The following NRG3 variants were observed in gnomAD, a reference collection of about 807,000 sequenced individuals.
The protein encoded by NRG3 is neuregulin 3.
In NRG3, 31 loss-of-function variants were observed where a neutral mutation model predicts 66.9. That is an observed-to-expected ratio of 0.46 (90% CI 0.35 to 0.63). The LOEUF (loss-of-function observed/expected upper bound fraction) is 0.63. Among genes scored for constraint, NRG3 ranks in the 20% least tolerant of loss-of-function variants. NRG3 has a pLI of 0.00. For missense variants in NRG3, 910 were observed against 878.9 expected (o/e 1.04, Z -0.45); for synonymous variants, 393 against 359.4 (o/e 1.09, Z -1.06).
At chr10:82,078,419 C>T (rs956895335) in intron 1 of NRG3, among the ~76,000 whole-genome samples, 7 of 152,192 alleles carry the variant, frequency 4.6e-5, no homozygotes, top group Admixed American at 3.3e-4. Flanking sequence ...GGCACGATCT[C>T]GGCTCACTGC....
At chr10:82,167,573 T>C (rs1464279267) in intron 1 of NRG3, among the ~76,000 whole-genome samples, 1 of 152,104 alleles carries the variant, frequency 6.6e-6, no homozygotes, top group East Asian at 1.9e-4. Flanking sequence ...TATTACTTAT[T>C]ATATTTTTTA....
chr10:82,921,046 T>A (rs536455019), intron 4 of NRG3, among the ~76,000 whole-genome samples: 1 of 151,858 alleles, frequency 6.6e-6, no homozygotes, highest in East Asian at 1.9e-4. Flanking sequence ...CAGAGAGCAG[T>A]GTATGGAAAC....
intron 3 of NRG3, among the ~76,000 whole-genome samples, chr10:82,828,826 C>CA (rs1378719924): frequency 6.6e-6 from 1 of 152,108 alleles, no homozygotes; most frequent in Non-Finnish European, 1.5e-5. Flanking sequence ...CCAACATAAC[C>CA]AGCTTCTTCC....
intron 2 of NRG3, among the ~76,000 whole-genome samples, chr10:82,366,384 G>T (rs1186896035): frequency 2.6e-5 from 4 of 152,160 alleles, no homozygotes; most frequent in Admixed American, 6.5e-5. Context: ...TAAAAGTGGG[G>T]AGGGGCATGC....
intron 4 of NRG3, among the ~76,000 whole-genome samples, chr10:82,914,737 A>G (rs1187100544): frequency 3.3e-5 from 5 of 149,712 alleles, no homozygotes; most frequent in African/African-American, 9.8e-5. Flanking sequence ...GTCCTTCACA[A>G]GTGATTTTTA....
intron 5 of NRG3, among the ~76,000 whole-genome samples, chr10:82,958,166 G>C (rs772533305): frequency 6.6e-6 from 1 of 152,206 alleles, no homozygotes; most frequent in Admixed American, 6.5e-5. Flanking sequence ...TGGCAATTCT[G>C]AGTGGTGGTT....
intron 1 of NRG3, among the ~76,000 whole-genome samples, chr10:82,111,430 C>T (rs1205951698): frequency 2.6e-5 from 4 of 152,054 alleles, no homozygotes; most frequent in Non-Finnish European, 5.9e-5. Context: ...CAAACACGAC[C>T]GAGTGCTTTG....
intron 3 of NRG3, among the ~76,000 whole-genome samples, chr10:82,820,193 C>G (rs2061889209): frequency 6.6e-6 from 1 of 152,150 alleles, no homozygotes; most frequent in African/African-American, 2.4e-5. Flanking sequence ...GACTTAGAAC[C>G]TAGATCTATC....
At chr10:81,906,052 C>G (rs1250631834) in intron 1 of NRG3, among the ~76,000 whole-genome samples, 1 of 152,120 alleles carries the variant, frequency 6.6e-6, no homozygotes, top group Non-Finnish European at 1.5e-5. Context: ...GTCTTAGTGA[C>G]TTTATTAAAA....
At chr10:81,964,842 A>G (rs1047513208) in intron 1 of NRG3, among the ~76,000 whole-genome samples, 2 of 152,120 alleles carry the variant, frequency 1.3e-5, no homozygotes, top group African/African-American at 2.4e-5. Context: ...TAGGTGTCCC[A>G]TATTTTTCCG....
intron 1 of NRG3, among the ~76,000 whole-genome samples, chr10:82,294,473 GT>G (rs1309629127): frequency 2.0e-5 from 3 of 151,750 alleles, no homozygotes; most frequent in Non-Finnish European, 4.4e-5. Flanking sequence ...GTATGTGTGT[GT>G]TTGAAAGTTT....
At chr10:82,287,337 G>A (rs1283643051) in intron 1 of NRG3, among the ~76,000 whole-genome samples, 34 of 152,056 alleles carry the variant, frequency 2.2e-4, no homozygotes, top group Non-Finnish European at 2.9e-5. Context: ...TTCTGCCATG[G>A]GTAAAAGCTC....
intron 2 of NRG3, among the ~76,000 whole-genome samples, chr10:82,449,218 T>A (rs1044192442): frequency 2.0e-5 from 3 of 152,174 alleles, no homozygotes; most frequent in African/African-American, 7.2e-5. Flanking sequence ...GCAGTCAGCT[T>A]CCCTGGTAGT....
chr10:82,448,758 G>A (rs1469529562), intron 2 of NRG3, among the ~76,000 whole-genome samples: 1 of 151,970 alleles, frequency 6.6e-6, no homozygotes, highest in East Asian at 1.9e-4. Flanking sequence ...CTGATTTGGT[G>A]AATTCGTATA....
At position 82,369,943 on chromosome 10, in the gene NRG3, C is replaced by T. The variant is rs1244782716; in HGVS notation, c.953+11075C>T. 1.5e-5 allele frequency among the ~76,000 whole-genome samples: 2 copies of T among 137,840 alleles called. 1 individual carries two copies. Among genetic ancestry groups the T allele is most frequent in the African/African-American group, 6.8e-5 (2 of 29,522 alleles). The allele number at this position is 137,840 out of a possible 152,430, so 90.4% of individuals were successfully genotyped here. A position where few individuals can be genotyped will look rare whatever the true frequency, so the allele number is the denominator to read the frequency against. ...TGGCTCACCTGTTTTTGGTCGTCCC[C>T]CAGCTGAAACCCCTGAAGGAGGGGA... On this transcript the variant is annotated intron_variant, in intron 2 of 8. Coordinates refer to ENST00000372141, the MANE Select transcript of NRG3 (RefSeq NM_001010848.4).
chr10:82,016,767 G>A (rs1377117549), intron 1 of NRG3, among the ~76,000 whole-genome samples: 1 of 152,136 alleles, frequency 6.6e-6, no homozygotes, highest in East Asian at 1.9e-4. Context: ...GGAACTGCAA[G>A]CCATTGAATT....
At chr10:82,326,166 G>T (rs1257378931) in intron 1 of NRG3, among the ~76,000 whole-genome samples, 1 of 152,084 alleles carries the variant, frequency 6.6e-6, no homozygotes, top group Non-Finnish European at 1.5e-5. Flanking sequence ...GTAAAGCATT[G>T]TAGATTAACT....
intron 2 of NRG3, among the ~76,000 whole-genome samples, chr10:82,464,439 AATT>A (rs1196848105): frequency 6.6e-6 from 1 of 152,174 alleles, no homozygotes; most frequent in Non-Finnish European, 1.5e-5. Flanking sequence ...CCAAACTACC[AATT>A]AAAGAAGAAG....
At position 82,738,968 on chromosome 10, in the gene NRG3, A is replaced by G. The variant is rs374602173; in HGVS notation, c.1027+318A>G. On this transcript the variant is annotated intron_variant, in intron 3 of 8. Coordinates refer to ENST00000372141, the MANE Select transcript of NRG3 (RefSeq NM_001010848.4). The stretch of plus-strand genomic sequence containing the variant: ...TCAAAAGCAGGGATCTAGAAAAATA[A>G]CAGAGCTTATTATTTACCTGAAATA... Among the ~76,000 whole-genome samples, 5 of 152,368 alleles carry G rather than the reference A, an allele frequency of 3.3e-5. No homozygotes were observed. In the South Asian group the frequency reaches 6.2e-4, roughly 19 times the overall value.
Sources: gnomAD v4.1 joint callset for allele counts (sites outside exome capture counted in the v4.1 genomes callset) on GRCh38, gnomAD v4.1.1 for gene constraint, MANE v1.5 for transcripts, NCBI Gene and HGNC (gene_info 2026-07-23, HGNC 2026-07-21) for gene names.